The following CXCR5 variants were observed in gnomAD, a reference collection of about 807,000 sequenced individuals.
CXCR5 encodes C-X-C chemokine receptor type 5.
Under a neutral mutation model 5.6 loss-of-function variants are expected in CXCR5, and 3 were observed. The observed-to-expected ratio is 0.54, with a 90% CI of 0.24 to 1.39. The LOEUF (loss-of-function observed/expected upper bound fraction) is 1.39, where lower values mean the gene tolerates loss of function less well. CXCR5 is among the 40% of genes most tolerant of loss of function. The pLI is 0.16. For missense variants in CXCR5, 333 were observed against 494.6 expected (o/e 0.67, Z 3.10); for synonymous variants, 218 against 219.9 (o/e 0.99, Z 0.08).
chr11:118,895,464 C>A lies in CXCR5; in HGVS notation c.*801C>A, dbSNP rs1218669733. 1 of 167,088 alleles carries A rather than the reference C, an allele frequency of 6.0e-6. No homozygotes were observed. Among genetic ancestry groups the A allele is most frequent in the Non-Finnish European group, 1.5e-5 (1 of 68,164 alleles). 10.4% of individuals were successfully genotyped at this position (167,088 alleles called of 1,614,324 possible). On this transcript the variant is annotated 3_prime_UTR_variant, in exon 2 of 2. Transcript: ENST00000292174. The surrounding 1 kb of genome is among the most constrained non-coding windows in gnomAD (Gnocchi z 4.2). ...GGAAGAAAAGAGCTTTCTTCCCGAA[C>A]CCCAAGGAGGGAGATGGATCAATCA...
intron 1 of CXCR5, chr11:118,886,374 G>T (rs1160754287): frequency 2.3e-6 from 1 of 433,176 alleles, no homozygotes; most frequent in African/African-American, 2.1e-5. Flanking sequence ...GGAACTGGGG[G>T]CTCCTGGCCA....
intron 1 of CXCR5, among the ~76,000 whole-genome samples, chr11:118,891,072 C>T (rs1302328170): frequency 6.6e-6 from 1 of 152,182 alleles, no homozygotes; most frequent in Non-Finnish European, 1.5e-5. Context: ...AAGACACTAT[C>T]TATCAAAAAA....
rs773979825 is a variant in CXCR5, at chr11:118,894,263, G to C, written c.719G>C (p.Gly240Ala). The change falls in exon 2 of 2, where the codon GGG becomes GCG. Residue 240 changes from glycine (G) to alanine (A), a missense_variant. Transcript: ENST00000292174. The surrounding 1 kb of genome is among the most constrained non-coding windows in gnomAD (Gnocchi z 6.1). Reference sequence around the variant, plus strand: ...CTGGTGATGGGCTGGTGCTACGTGGGGGTAGTGCACAGGTTGCGCCAGGCC... The same window carrying C: ...CTGGTGATGGGCTGGTGCTACGTGGCGGTAGTGCACAGGTTGCGCCAGGCC... ...PMLVMGWCYV[G>A]VVHRLRQAQR... 6.2e-6 allele frequency: 10 copies of C among 1,613,994 alleles called. No individual in the cohort carries two copies. In the Admixed American group the frequency reaches 1.2e-4, roughly 19 times the overall value.
At position 118,891,120 on chromosome 11, in the gene CXCR5, G is replaced by A. The variant is rs549293046; in HGVS notation, c.52-2476G>A. On this transcript the variant is annotated intron_variant, in intron 1 of 1. Coordinates refer to ENST00000292174, the MANE Select transcript of CXCR5 (RefSeq NM_001716.5). ...CGTGTGTTTGGGGGAGAAATTCCAT[G>A]GAATCCTACTGCATGGGATGTTCTG... is the stretch of plus-strand genomic sequence containing the variant. Among the ~76,000 whole-genome samples the A allele has an allele frequency of 7.9e-5, 12 of 152,218 alleles. No homozygotes were observed. The East Asian group carries it at 2.3e-3, about 29-fold the overall frequency.
At position 118,883,928 on chromosome 11, in the gene CXCR5, C is replaced by T. The variant is rs1321041504; in HGVS notation, c.-14C>T. ...AGACAGTGACCAGTCTGGTGACTCA[C>T]AGCCGGCACAGCCATGAACTACCCG... is the stretch of plus-strand genomic sequence containing the variant. On this transcript the variant is annotated 5_prime_UTR_variant, in exon 1 of 2. Transcript: ENST00000292174. 1.2e-6 allele frequency: 2 copies of T among 1,609,894 alleles called. No homozygotes were observed. The highest frequency in any genetic ancestry group is 1.1e-5 in the South Asian group (1 of 90,146).
At position 118,895,435 on chromosome 11, in the gene CXCR5, A is replaced by G. The variant is rs1285436676; in HGVS notation, c.*772A>G. On this transcript the variant is annotated 3_prime_UTR_variant, in exon 2 of 2. Coordinates refer to ENST00000292174, the MANE Select transcript of CXCR5 (RefSeq NM_001716.5). The surrounding 1 kb of genome is among the most constrained non-coding windows in gnomAD (Gnocchi z 4.2). ...CCGAGAAGCAAGAAAGAAACCCGAC[A>G]GAGGGAAGAAAAGAGCTTTCTTCCC... 1 of 167,134 alleles carries G rather than the reference A, an allele frequency of 6.0e-6. No individual in the cohort carries two copies. The highest frequency in any genetic ancestry group is 2.4e-5 in the African/African-American group (1 of 41,450). 10.4% of individuals were successfully genotyped at this position (167,134 alleles called of 1,614,324 possible). A position where few individuals can be genotyped will look rare whatever the true frequency, so the allele number is the denominator to read the frequency against.
At position 118,894,135 on chromosome 11, in the gene CXCR5, C is replaced by A; in HGVS notation, c.591C>A (p.Asn197Lys). ...FAKVSQGHHNNSLPRCTFSQE... is the reference protein window; with the variant it reads ...FAKVSQGHHNKSLPRCTFSQE... ...AAGTCAGCCAAGGCCATCACAACAA[C>A]TCCCTGCCACGTTGCACCTTCTCCC... is the stretch of plus-strand genomic sequence containing the variant. The change falls in exon 2 of 2, where the codon AAC (asparagine) becomes AAA (lysine). Residue 197 changes from asparagine to lysine, a missense_variant. Asn to Lys is a moderately conservative substitution (Grantham distance 94). Coordinates refer to ENST00000292174, the MANE Select transcript of CXCR5 (RefSeq NM_001716.5). This position sits in a 1 kb window ranked among gnomAD's most constrained non-coding sequence, Gnocchi z 6.1. 1 of 1,614,126 alleles carries A rather than the reference C, an allele frequency of 6.2e-7. No homozygotes were observed. Among genetic ancestry groups the A allele is most frequent in the South Asian group, 1.1e-5 (1 of 91,084 alleles).
At chr11:118,891,871 CAAAAAAAAAAAAA>C (rs754547926) in intron 1 of CXCR5, among the ~76,000 whole-genome samples, 1 of 34,616 alleles carries the variant, frequency 2.9e-5, no homozygotes, top group African/African-American at 8.7e-5. Context: ...AACTCCCCCT[CAAAAAAAAAAAAA>C]AAAAAAAAGT....
chr11:118,887,252 G>C lies in CXCR5; in HGVS notation c.51+3260G>C, dbSNP rs1008088744. On this transcript the variant is annotated intron_variant, in intron 1 of 1. Coordinates refer to ENST00000292174, the MANE Select transcript of CXCR5 (RefSeq NM_001716.5). ...GGCAGAAACAGTGGCCGCATATGTG[G>C]ACCTAAGAATCAGGACACAAGAATG... The C allele has an allele frequency of 4.1e-6, 4 of 985,314 alleles. No individual in the cohort carries two copies. The East Asian group carries it at 3.4e-4, about 84-fold the overall frequency. The allele number at this position is 985,314 out of a possible 1,614,324, so 61.0% of individuals were successfully genotyped here. A position where few individuals can be genotyped will look rare whatever the true frequency, so the allele number is the denominator to read the frequency against.
At position 118,893,353 on chromosome 11, in the gene CXCR5, A is replaced by G. The variant is rs1298961135; in HGVS notation, c.52-243A>G. ...TGGGGTCCAGCCCTCCAGCACTTACAAAGCTCAGCCACCCGCACGCCTCCC... is the reference window on the plus strand; with the variant it reads ...TGGGGTCCAGCCCTCCAGCACTTACGAAGCTCAGCCACCCGCACGCCTCCC... On this transcript the variant is annotated intron_variant, in intron 1 of 1. Coordinates refer to ENST00000292174, the MANE Select transcript of CXCR5 (RefSeq NM_001716.5). This position sits in a 1 kb window ranked among gnomAD's most constrained non-coding sequence, Gnocchi z 5.7. 2.0e-6 allele frequency: 2 copies of G among 983,686 alleles called. No individual in the cohort carries two copies. Among genetic ancestry groups the G allele is most frequent in the Non-Finnish European group, 2.4e-6 (2 of 828,362 alleles). The allele number at this position is 983,686 out of a possible 1,614,324, so 60.9% of individuals were successfully genotyped here. A position where few individuals can be genotyped will look rare whatever the true frequency, so the allele number is the denominator to read the frequency against.
intron 1 of CXCR5, among the ~76,000 whole-genome samples, chr11:118,885,577 T>C (rs965753577): frequency 1.1e-4 from 17 of 152,324 alleles, no homozygotes; most frequent in African/African-American, 3.4e-4. Context: ...CTGGGCGTCT[T>C]CCTCTGCCTG....
intron 1 of CXCR5, among the ~76,000 whole-genome samples, chr11:118,892,594 A>AGTGAAAGGT (rs1347886099): frequency 6.8e-6 from 1 of 147,950 alleles, no homozygotes; most frequent in Non-Finnish European, 1.5e-5. Flanking sequence ...GACAGCTGTG[A>AGTGAAAGGT]GTGAAAGGTG....
In CXCR5 at chr11:118,887,205, G is replaced by T. The variant is rs78146216; in HGVS notation, c.51+3213G>T. The T allele has an allele frequency of 9.4e-3, 9,192 of 982,240 alleles. 133 individuals carry two copies. The East Asian group carries it at 0.13, about 13-fold the overall frequency. The allele number at this position is 982,240 out of a possible 1,614,324, so 60.8% of individuals were successfully genotyped here. A position where few individuals can be genotyped will look rare whatever the true frequency, so the allele number is the denominator to read the frequency against. The stretch of plus-strand genomic sequence containing the variant: ...TTCCCCAGGGACGCAGGCTGCAGCT[G>T]ATCCCACTCCTCTAGCAGAACGGCA... On this transcript the variant is annotated intron_variant, in intron 1 of 1. Coordinates refer to ENST00000292174, the MANE Select transcript of CXCR5 (RefSeq NM_001716.5).
chr11:118,892,391 C>T (rs776817160), intron 1 of CXCR5, among the ~76,000 whole-genome samples: 2 of 152,142 alleles, frequency 1.3e-5, no homozygotes, highest in Non-Finnish European at 2.9e-5. Context: ...ATGGGGGCAC[C>T]ATTAAGCCAC....
In CXCR5 at chr11:118,893,293, C is replaced by T; in HGVS notation, c.52-303C>T. 1 of 683,734 alleles carries T rather than the reference C, an allele frequency of 1.5e-6. No homozygotes were observed. 42.4% of individuals were successfully genotyped at this position (683,734 alleles called of 1,614,324 possible). A position where few individuals can be genotyped will look rare whatever the true frequency, so the allele number is the denominator to read the frequency against. On this transcript the variant is annotated intron_variant, in intron 1 of 1. Transcript: ENST00000292174. The surrounding 1 kb of genome is among the most constrained non-coding windows in gnomAD (Gnocchi z 5.7). ...CTCCAGCCGCCAAGGCTGCAGGCTT[C>T]CGTACATGAGGACCCAAAAACACAA... is the stretch of plus-strand genomic sequence containing the variant.
At chr11:118,891,534 T>A (rs1565606077) in intron 1 of CXCR5, among the ~76,000 whole-genome samples, 1 of 152,018 alleles carries the variant, frequency 6.6e-6, no homozygotes, top group Non-Finnish European at 1.5e-5. Context: ...ATGAACATGA[T>A]CACAAATATG....
At position 118,894,831 on chromosome 11, in the gene CXCR5, C is replaced by T. The variant is rs960660132; in HGVS notation, c.*168C>T. ...ACCAACCCCCATTTCTAGAACATCC[C>T]TGCCAGCTCTTCTGCCGGCCCTGGG... On this transcript the variant is annotated 3_prime_UTR_variant, in exon 2 of 2. Transcript: ENST00000292174. This position sits in a 1 kb window ranked among gnomAD's most constrained non-coding sequence, Gnocchi z 6.1. 8 of 591,252 alleles carry T rather than the reference C, an allele frequency of 1.4e-5. No individual in the cohort carries two copies. Among genetic ancestry groups the T allele is most frequent in the Admixed American group, 1.1e-4 (3 of 26,706 alleles). 36.6% of individuals were successfully genotyped at this position (591,252 alleles called of 1,614,324 possible). A position where few individuals can be genotyped will look rare whatever the true frequency, so the allele number is the denominator to read the frequency against.
chr11:118,893,624 A>G lies in CXCR5; in HGVS notation c.80A>G (p.Tyr27Cys), dbSNP rs1225219514. 39 of 1,606,410 alleles carry G rather than the reference A, an allele frequency of 2.4e-5. No homozygotes were observed. Among genetic ancestry groups the G allele is most frequent in the Non-Finnish European group, 3.3e-5 (39 of 1,174,762 alleles). ...LFWELDRLDN[Y>C]NDTSLVENHL... ...TGGGAACTGGACAGATTGGACAACT[A>G]TAACGACACCTCCCTGGTGGAAAAT... Residue 27 changes from tyrosine (Y) to cysteine (C), a missense_variant, in exon 2 of 2, where the codon TAT becomes TGT. Transcript: ENST00000292174. This position sits in a 1 kb window ranked among gnomAD's most constrained non-coding sequence, Gnocchi z 5.7.
rs1837483153 is a variant in CXCR5 at position 118,895,246 on chromosome 11, G to T, written c.*583G>T. 6.0e-6 allele frequency: 1 copy of T among 167,104 alleles called. No individual in the cohort carries two copies. Among genetic ancestry groups the T allele is most frequent in the Non-Finnish European group, 1.5e-5 (1 of 68,216 alleles). The allele number at this position is 167,104 out of a possible 1,614,324, so 10.4% of individuals were successfully genotyped here. A position where few individuals can be genotyped will look rare whatever the true frequency, so the allele number is the denominator to read the frequency against. On this transcript the variant is annotated 3_prime_UTR_variant, in exon 2 of 2. Transcript: ENST00000292174. The surrounding 1 kb of genome is among the most constrained non-coding windows in gnomAD (Gnocchi z 4.2). ...AGGCCCCCAAGCCTGCAGTCATCTT[G>T]ACCAAGCAGGAAGCTCAGACTGGTT...
Sources: gnomAD v4.1 joint callset for allele counts (sites outside exome capture counted in the v4.1 genomes callset) on GRCh38, gnomAD v4.1.1 for gene constraint, Gnocchi (gnomAD v3.1) non-coding constraint, MANE v1.5 for transcripts, NCBI Gene and HGNC (gene_info 2026-07-23, HGNC 2026-07-21) for gene names.